Variants in SPAG17 observed in about 807,000 individuals in gnomAD.
SPAG17 encodes the protein sperm-associated antigen 17.
In SPAG17, 169 loss-of-function variants were observed where a neutral mutation model predicts 273.6. The observed-to-expected ratio is 0.62, with a 90% CI of 0.55 to 0.70. The LOEUF is 0.70. Among genes scored for constraint, SPAG17 ranks in the 30% least tolerant of loss-of-function variants. The pLI, the probability that SPAG17 is intolerant of heterozygous loss-of-function variation, is 0.00. For missense variants in SPAG17, 2,557 were observed against 2,627.8 expected (o/e 0.97, Z 0.59); for synonymous variants, 825 against 873.2 (o/e 0.94, Z 0.97).
chr1:118,103,870 T>TGTGTGTGTGA (rs1405821179), intron 4 of SPAG17, among the ~76,000 whole-genome samples: 1 of 151,198 alleles, frequency 6.6e-6, no homozygotes, highest in Non-Finnish European at 1.5e-5. Context: ...TGTGTGTGTG[T>TGTGTGTGTGA]GAAGATCCTA....
Position 118,128,747 on chromosome 1 carries a change from C to A in SPAG17, c.316-13306G>T, listed in dbSNP as rs150430048. ...GTTAATTTAGCCTTTGGTTTGGATA[C>A]CATGTTCCACTTCTCAGACTAGAGG... On this transcript the variant is annotated intron_variant, in intron 3 of 48. Transcript: ENST00000336338. Among the ~76,000 whole-genome samples the A allele has an allele frequency of 1.4e-3, 215 of 152,276 alleles. 1 individual carries two copies. The highest frequency in any genetic ancestry group is 6.8e-3 in the Middle Eastern group (2 of 294).
intron 19 of SPAG17, among the ~76,000 whole-genome samples, chr1:118,055,014 A>T (rs1334122392): frequency 6.6e-6 from 1 of 152,068 alleles, no homozygotes; most frequent in Non-Finnish European, 1.5e-5. Context: ...CTTTGCACAA[A>T]CTTAATGAAA....
chr1:117,963,590 TCCTGACCTTGTGATCCACCCA>T, intron 48 of SPAG17, 188 bp downstream of exon 48: 1 of 350,440 alleles, frequency 2.9e-6, no homozygotes, highest in Non-Finnish European at 5.3e-6. Context: ...GGTCTCGATC[TCCTGACCTTGTGATCCACCCA>T]CCTCGGCCTC....
intron 3 of SPAG17, among the ~76,000 whole-genome samples, chr1:118,136,973 G>T (rs1658403384): frequency 1.3e-5 from 2 of 152,146 alleles, no homozygotes. Flanking sequence ...ACATTTTACT[G>T]GGGGAAAGAG....
intron 32 of SPAG17, among the ~76,000 whole-genome samples, chr1:117,997,805 T>C (rs1274670089): frequency 6.6e-6 from 1 of 152,142 alleles, no homozygotes; most frequent in Non-Finnish European, 1.5e-5. Context: ...AATTTGTATT[T>C]CCTATAATTT....
At chr1:118,080,028 T>G (rs1654412748) in intron 15 of SPAG17, among the ~76,000 whole-genome samples, 1 of 152,186 alleles carries the variant, frequency 6.6e-6, no homozygotes, top group African/African-American at 2.4e-5. Flanking sequence ...ATTATAAAAT[T>G]GAAAGAAAAT....
chr1:118,014,579 A>G (rs2101794458), intron 29 of SPAG17, among the ~76,000 whole-genome samples: 1 of 152,354 alleles, frequency 6.6e-6, no homozygotes, highest in South Asian at 2.1e-4. Context: ...ACAAAGTAAG[A>G]GATTATAAAA....
chr1:117,954,181 T>A, intron 48 of SPAG17, 132 bp from the exon 49 acceptor site: 2 of 1,186,270 alleles, frequency 1.7e-6, no homozygotes, highest in Non-Finnish European at 2.4e-6. Context: ...ATTTATTAAC[T>A]AAGATCAGGA....
chr1:118,147,723 G>A (rs1424847194), intron 3 of SPAG17, among the ~76,000 whole-genome samples: 1 of 152,204 alleles, frequency 6.6e-6, no homozygotes, highest in Non-Finnish European at 1.5e-5. Flanking sequence ...TAATGAGGCT[G>A]TGTGTACACA....
In SPAG17 at chr1:118,011,651, C is replaced by T. The variant is rs143628236; in HGVS notation, c.4432+577G>A. 1.1e-3 allele frequency among the ~76,000 whole-genome samples: 174 copies of T among 152,148 alleles called. 2 individuals carry two copies. The highest frequency in any genetic ancestry group is 3.5e-3 in the African/African-American group (146 of 41,496). On this transcript the variant is annotated intron_variant, in intron 30 of 48. Transcript: ENST00000336338. ...TACCTGGGTGACAAAATAATCTGTA[C>T]GGCAAACCCTGTTACATGAATTTGG... is the stretch of plus-strand genomic sequence containing the variant.
chr1:118,016,757 A>T lies in SPAG17; in HGVS notation c.4070-575T>A, dbSNP rs537222612. Among the ~76,000 whole-genome samples, 16 of 152,238 alleles carry T rather than the reference A, an allele frequency of 1.1e-4. No individual in the cohort carries two copies. The East Asian group carries it at 3.1e-3, about 29-fold the overall frequency. On this transcript the variant is annotated intron_variant, in intron 28 of 48. Transcript: ENST00000336338. ...TGTGCAGTTTAATTAGTACATCAAC[A>T]ATTGTCTGATACATTTTCCTCTCCA...
At chr1:118,016,291 T>G in intron 28 of SPAG17, 109 bp from the exon 29 acceptor site, 1 of 785,428 alleles carries the variant, frequency 1.3e-6, no homozygotes, top group South Asian at 1.8e-5. Flanking sequence ...TACTGTGGCA[T>G]AGACAATTCT....
chr1:118,084,231 A>G (rs1174283860), intron 13 of SPAG17, among the ~76,000 whole-genome samples: 1 of 152,168 alleles, frequency 6.6e-6, no homozygotes, highest in African/African-American at 2.4e-5. Flanking sequence ...CCAGGAGTCA[A>G]TGGTAGGACT....
At chr1:118,040,258 A>C (rs1649577917) in intron 22 of SPAG17, among the ~76,000 whole-genome samples, 1 of 152,146 alleles carries the variant, frequency 6.6e-6, no homozygotes, top group African/African-American at 2.4e-5. Flanking sequence ...GAATCACCTG[A>C]AACTTATACG....
At chr1:118,092,049 G>C in intron 8 of SPAG17, 47 bp from the exon 9 acceptor site, 1 of 1,510,786 alleles carries the variant, frequency 6.6e-7, no homozygotes, top group South Asian at 1.1e-5. Context: ...ACCCAGCTGA[G>C]AGATGCCCTC....
chr1:118,084,895 C>T (rs576016354), intron 13 of SPAG17, among the ~76,000 whole-genome samples: 6 of 152,162 alleles, frequency 3.9e-5, no homozygotes, highest in African/African-American at 7.2e-5. Flanking sequence ...AAATAGATTT[C>T]GATTAGATTA....
chr1:117,975,047 A>G (rs1654986883), intron 43 of SPAG17, among the ~76,000 whole-genome samples: 1 of 152,166 alleles, frequency 6.6e-6, no homozygotes, highest in Non-Finnish European at 1.5e-5. Flanking sequence ...GGATATTTCC[A>G]CTGAAGCGGA....
chr1:117,976,663 T>C (rs879679553), intron 43 of SPAG17, among the ~76,000 whole-genome samples: 1 of 152,196 alleles, frequency 6.6e-6, no homozygotes, highest in Non-Finnish European at 1.5e-5. Context: ...GGAATACACC[T>C]GAACATTACC....
chr1:117,953,956 G>T lies in SPAG17; in HGVS notation c.*94C>A. On this transcript the variant is annotated 3_prime_UTR_variant, in exon 49 of 49. Transcript: ENST00000336338. ...TCAGTTCTTCCAGTTTCAGTGTCCT[G>T]GGATGATGGAGTATGTTGTGATGAC... is the stretch of plus-strand genomic sequence containing the variant. 1 of 1,484,328 alleles carries T rather than the reference G, an allele frequency of 6.7e-7. No individual in the cohort carries two copies. Among genetic ancestry groups the T allele is most frequent in the Non-Finnish European group, 9.2e-7 (1 of 1,081,566 alleles). The allele number at this position is 1,484,328 out of a possible 1,614,324, so 91.9% of individuals were successfully genotyped here. A position where few individuals can be genotyped will look rare whatever the true frequency, so the allele number is the denominator to read the frequency against.
Sources: allele counts gnomAD v4.1 joint callset (sites outside exome capture counted in the v4.1 genomes callset), GRCh38; gene constraint gnomAD v4.1.1; transcripts MANE v1.5; gene names NCBI Gene and HGNC (gene_info 2026-07-23, HGNC 2026-07-21).